Variants in FAM170A observed in about 807,000 individuals in gnomAD.
FAM170A encodes family with sequence similarity 170 member A, also known as protein FAM170A.
Under a neutral mutation model 36.6 loss-of-function variants are expected in FAM170A, and 28 were observed. The observed-to-expected ratio is 0.76, with a 90% CI of 0.57 to 1.05. The LOEUF is 1.05. Among genes scored for constraint, FAM170A ranks in the 50% least tolerant of loss-of-function variants. FAM170A has a pLI of 0.00. For missense variants in FAM170A, 434 were observed against 396.5 expected (o/e 1.09, Z -0.80); for synonymous variants, 156 against 143.9 (o/e 1.08, Z -0.60).
At chr5:119,629,959 T>G (rs1325875158) in intron 1 of FAM170A, 121 bp downstream of exon 1, 14 of 671,336 alleles carry the variant, frequency 2.1e-5, no homozygotes, top group Admixed American at 4.7e-5. Flanking sequence ...TGGCGCGATC[T>G]TGGCTCACTG....
At chr5:119,629,751 A>G in exon 1 of FAM170A, 7 of 1,604,828 alleles carry the variant, frequency 4.4e-6, no homozygotes, top group Non-Finnish European at 6.0e-6. Flanking sequence ...TCTTCTAGAA[A>G]CTCTTCTAGC....
chr5:119,633,071 G>A (rs1042534605), intron 2 of FAM170A, among the ~76,000 whole-genome samples, 183 bp downstream of exon 2: 1 of 152,100 alleles, frequency 6.6e-6, no homozygotes, highest in Non-Finnish European at 1.5e-5. Context: ...CAGTCTTTGG[G>A]TGTGGGGCTC....
At position 119,629,842 on chromosome 5, in the gene FAM170A, T is replaced by C; in HGVS notation, c.70+4T>C. 3.1e-6 allele frequency: 5 copies of C among 1,611,888 alleles called. No homozygotes were observed. The highest frequency in any genetic ancestry group is 4.2e-6 in the Non-Finnish European group (5 of 1,178,358). On this transcript the variant is annotated splice_donor_region_variant and intron_variant, in intron 1 of 4. Transcript: ENST00000613773. The stretch of plus-strand genomic sequence containing the variant: ...GAAACCGCTGAGAAGGGAGGAGGTA[T>C]GTGCGGGGCAAACTTTCTGGGGCAC...
exon 4 of FAM170A, chr5:119,635,051 G>T (rs764434195): frequency 1.9e-6 from 3 of 1,613,978 alleles, no homozygotes; most frequent in Admixed American, 1.7e-5. Flanking sequence ...TGGGCCAGAA[G>T]ATACTGGAAG....
chr5:119,634,310 A>C, exon 3 of FAM170A: 1 of 1,614,200 alleles, frequency 6.2e-7, no homozygotes, highest in Non-Finnish European at 8.5e-7. Flanking sequence ...CAGTGAGCCC[A>C]GTGGGGAGGA....
At chr5:119,634,145 G>A (rs935106433) in exon 3 of FAM170A, 2 of 1,614,146 alleles carry the variant, frequency 1.2e-6, no homozygotes, top group Non-Finnish European at 1.7e-6. Context: ...CTACATGCAG[G>A]TACAAATGAA....
chr5:119,630,509 T>C (rs1016524988), intron 1 of FAM170A, among the ~76,000 whole-genome samples: 2 of 152,066 alleles, frequency 1.3e-5, no homozygotes, highest in Non-Finnish European at 2.9e-5. Context: ...CTGAGGAGAA[T>C]GTACCACCTA....
At chr5:119,633,894 A>T (rs1756311567) in intron 2 of FAM170A, 66 bp from the exon 3 acceptor site, 4 of 1,546,258 alleles carry the variant, frequency 2.6e-6, no homozygotes, top group Non-Finnish European at 2.6e-6. Flanking sequence ...CACATATTTA[A>T]CTTACGTTCC....
exon 2 of FAM170A, chr5:119,632,832 C>A: frequency 1.2e-6 from 2 of 1,613,290 alleles, no homozygotes; most frequent in Non-Finnish European, 1.7e-6. Context: ...GGAGAAGTTA[C>A]TTCTACCTCC....
chr5:119,630,458 A>G (rs1270099648), intron 1 of FAM170A, among the ~76,000 whole-genome samples: 3 of 151,974 alleles, frequency 2.0e-5, no homozygotes, highest in Non-Finnish European at 4.4e-5. Flanking sequence ...GGCGTGAGCC[A>G]TCGCTCCCGG....
intron 1 of FAM170A, among the ~76,000 whole-genome samples, chr5:119,632,401 G>A (rs1756272558): frequency 6.6e-6 from 1 of 152,118 alleles, no homozygotes; most frequent in Admixed American, 6.5e-5. Flanking sequence ...TAATTTCAGG[G>A]TTGTAAACAC....
At chr5:119,630,207 T>G (rs1306928424) in intron 1 of FAM170A, among the ~76,000 whole-genome samples, 1 of 124,972 alleles carries the variant, frequency 8.0e-6, no homozygotes, top group East Asian at 2.4e-4. Flanking sequence ...CAGGCTGGAG[T>G]GCAGTGGTGT....
exon 3 of FAM170A, chr5:119,634,411 G>T: frequency 6.2e-7 from 1 of 1,614,132 alleles, no homozygotes. Flanking sequence ...CTGACTGGCT[G>T]GTGACCATGG....
At chr5:119,632,870 C>G (rs201159156) in exon 2 of FAM170A, 1 of 1,609,186 alleles carries the variant, frequency 6.2e-7, no homozygotes, top group East Asian at 2.2e-5. Context: ...TTCTTCTTCA[C>G]GCAAGCTCAT....
intron 1 of FAM170A, among the ~76,000 whole-genome samples, chr5:119,630,761 C>G (rs555045874): frequency 2.8e-4 from 42 of 152,332 alleles, no homozygotes; most frequent in South Asian, 8.3e-4. Flanking sequence ...CTCTCGTATT[C>G]TCTTTATTTG....
chr5:119,633,309 CAG>C (rs1427956956), intron 2 of FAM170A, among the ~76,000 whole-genome samples: 1 of 152,072 alleles, frequency 6.6e-6, no homozygotes, highest in Non-Finnish European at 1.5e-5. Flanking sequence ...GGCAAGATGA[CAG>C]AGCTGTTAGA....
chr5:119,633,105 G>A (rs1322287295), intron 2 of FAM170A, among the ~76,000 whole-genome samples: 1 of 152,220 alleles, frequency 6.6e-6, no homozygotes, highest in Non-Finnish European at 1.5e-5. Flanking sequence ...TTCTCTGGGT[G>A]TGAGGTTCCT....
At chr5:119,634,098 T>C (rs368730809) in exon 3 of FAM170A, 2 of 1,614,028 alleles carry the variant, frequency 1.2e-6, no homozygotes, top group Middle Eastern at 1.6e-4. Flanking sequence ...GTGTCCTCTC[T>C]GTGTGTAAAC....
chr5:119,633,142 G>A (rs556259069), intron 2 of FAM170A, among the ~76,000 whole-genome samples: 11 of 152,038 alleles, frequency 7.2e-5, no homozygotes, highest in South Asian at 2.1e-4. Flanking sequence ...GATGCAGGGC[G>A]CTATGGGTAT....
Sources: gnomAD v4.1 joint callset for allele counts (sites outside exome capture counted in the v4.1 genomes callset) on GRCh38, gnomAD v4.1.1 for gene constraint, MANE v1.5 for transcripts, NCBI Gene and HGNC (gene_info 2026-07-23, HGNC 2026-07-21) for gene names.